ATXN10: variants seen among roughly 807,000 people sequenced by gnomAD.
ATXN10 encodes ataxin 10.
Under a neutral mutation model 52.9 loss-of-function variants are expected in ATXN10, and 28 were observed. The observed-to-expected ratio is 0.53, with a 90% CI of 0.39 to 0.73. The LOEUF (loss-of-function observed/expected upper bound fraction) is 0.73. Ranked by LOEUF, ATXN10 falls within the 30% of genes least tolerant of loss-of-function variation. ATXN10 has a pLI of 0.00. For synonymous variants in ATXN10, 226 were observed against 221.5 expected, an observed-to-expected ratio of 1.02 and a Z score of -0.18; for missense variants, 565 against 577.0, an observed-to-expected ratio of 0.98 and a Z score of 0.21.
intron 9 of ATXN10, among the ~76,000 whole-genome samples, chr22:45,776,116 C>G (rs113543878): frequency 4.6e-5 from 7 of 150,840 alleles, no homozygotes; most frequent in African/African-American, 1.7e-4. Context: ...TGGTGATATA[C>G]TCTGTAAGCC....
rs141931111 is a variant in ATXN10 at position 45,834,199 on chromosome 22, G to A, written c.1238-8792G>A. 2.0e-5 allele frequency among the ~76,000 whole-genome samples: 3 copies of A among 152,316 alleles called. No individual in the cohort carries two copies. In the East Asian group the frequency reaches 5.8e-4, roughly 29 times the overall value. On this transcript the variant is annotated intron_variant, in intron 10 of 11. Transcript: ENST00000252934. ...TGTGAGAGACACTTAATTGTACAAA[G>A]CTTTGCTTGCATTGAGAGTGGCAGT...
At chr22:45,768,526 C>T (rs554347155) in intron 9 of ATXN10, among the ~76,000 whole-genome samples, 29 of 152,262 alleles carry the variant, frequency 1.9e-4, no homozygotes, top group African/African-American at 7.0e-4. Flanking sequence ...CTTGCTAAAA[C>T]AAATTAATTG....
At chr22:45,755,385 A>G (rs1926137207) in intron 9 of ATXN10, among the ~76,000 whole-genome samples, 1 of 152,146 alleles carries the variant, frequency 6.6e-6, no homozygotes, top group Non-Finnish European at 1.5e-5. Flanking sequence ...TGTATTTCTA[A>G]TCATAACAAA....
chr22:45,830,572 A>G (rs1255938784), intron 10 of ATXN10, among the ~76,000 whole-genome samples: 1 of 152,208 alleles, frequency 6.6e-6, no homozygotes. Context: ...CCAGTAAGAT[A>G]TACAAATGGC....
Position 45,708,765 on chromosome 22 carries a change from G to C in ATXN10, c.647+5918G>C, listed in dbSNP as rs544018892. On this transcript the variant is annotated intron_variant, in intron 5 of 11. Coordinates refer to ENST00000252934, the MANE Select transcript of ATXN10 (RefSeq NM_013236.4). This position sits in a 1 kb window ranked among gnomAD's most constrained non-coding sequence, Gnocchi z 5.3. The stretch of plus-strand genomic sequence containing the variant: ...AGTGATTCTCCCATCTCAGCCCCCT[G>C]AGTAGCCAGGACTACAGGCGTGCGC... Among the ~76,000 whole-genome samples the C allele has an allele frequency of 1.7e-4, 26 of 152,244 alleles. No homozygotes were observed. The South Asian group carries it at 5.2e-3, about 30-fold the overall frequency.
intron 10 of ATXN10, among the ~76,000 whole-genome samples, chr22:45,831,087 A>G (rs143444208): frequency 6.6e-6 from 1 of 152,348 alleles, no homozygotes; most frequent in African/African-American, 2.4e-5. Context: ...TGAGGACCTT[A>G]CACTTAGTGA....
chr22:45,833,447 T>A lies in ATXN10; in HGVS notation c.1238-9544T>A, dbSNP rs1348157894. 6.6e-6 allele frequency among the ~76,000 whole-genome samples: 1 copy of A among 152,242 alleles called. No individual in the cohort carries two copies. The highest frequency in any genetic ancestry group is 1.9e-4 in the East Asian group (1 of 5,198). On this transcript the variant is annotated intron_variant, in intron 10 of 11. Coordinates refer to ENST00000252934, the MANE Select transcript of ATXN10 (RefSeq NM_013236.4). This position sits in a 1 kb window ranked among gnomAD's most constrained non-coding sequence, Gnocchi z 4.3. ...TTCTAAATCGCCAGAAGCTCCACCCTGTTCATGTTCTTCATTTAATCCTTT... is the reference window on the plus strand; with the variant it reads ...TTCTAAATCGCCAGAAGCTCCACCCAGTTCATGTTCTTCATTTAATCCTTT...
chr22:45,794,748 C>A (rs136004), intron 9 of ATXN10, among the ~76,000 whole-genome samples: 10,450 of 151,066 alleles, frequency 0.069, 1,089 homozygotes, highest in African/African-American at 0.23. Context: ...AAATGAAGGT[C>A]AAAAAAAAGA....
At chr22:45,764,641 G>A (rs759194583) in intron 9 of ATXN10, among the ~76,000 whole-genome samples, 43 of 152,052 alleles carry the variant, frequency 2.8e-4, no homozygotes, top group Non-Finnish European at 5.3e-4. Flanking sequence ...TGCATGCTTT[G>A]GTGAAGTGGA....
Position 45,844,684 on chromosome 22 carries a change from G to A in ATXN10, c.*1013G>A, listed in dbSNP as rs569410356. On this transcript the variant is annotated 3_prime_UTR_variant, in exon 12 of 12. Coordinates refer to ENST00000252934, the MANE Select transcript of ATXN10 (RefSeq NM_013236.4). Reference sequence around the variant, plus strand: ...ATTCATATCATCAACAAAAGCTCTAGGGGGAGGTCACGTTGTGAATGCTTA... The same window carrying A: ...ATTCATATCATCAACAAAAGCTCTAAGGGGAGGTCACGTTGTGAATGCTTA... The A allele has an allele frequency of 5.9e-5, 9 of 152,288 alleles. No individual in the cohort carries two copies. The East Asian group carries it at 1.5e-3, about 26-fold the overall frequency. 9.4% of individuals were successfully genotyped at this position (152,288 alleles called of 1,614,324 possible).
intron 10 of ATXN10, among the ~76,000 whole-genome samples, chr22:45,808,262 A>T (rs150420553): frequency 2.2e-4 from 33 of 152,372 alleles, no homozygotes; most frequent in African/African-American, 7.9e-4. Flanking sequence ...GGAAAGCAGT[A>T]CGAGAATGTT....
intron 9 of ATXN10, among the ~76,000 whole-genome samples, chr22:45,767,065 G>A (rs1448163711): frequency 6.6e-6 from 1 of 152,208 alleles, no homozygotes; most frequent in Non-Finnish European, 1.5e-5. Context: ...GAATTTGGTA[G>A]TTCTGGTAAA....
intron 6 of ATXN10, among the ~76,000 whole-genome samples, chr22:45,724,830 T>A (rs558097958): frequency 6.6e-6 from 1 of 152,298 alleles, no homozygotes; most frequent in South Asian, 2.1e-4. Context: ...TCAAGTTGAT[T>A]TTTGTGTATG....
chr22:45,809,206 C>T (rs1928200670), intron 10 of ATXN10, among the ~76,000 whole-genome samples: 1 of 152,170 alleles, frequency 6.6e-6, no homozygotes, highest in Admixed American at 6.5e-5. Context: ...TTTCAAAATT[C>T]ACCTTATTCC....
rs1296816757 is a variant in ATXN10, at chr22:45,681,761, G to A, written c.117-7951G>A. Among the ~76,000 whole-genome samples, 2 of 152,064 alleles carry A rather than the reference G, an allele frequency of 1.3e-5. No homozygotes were observed. Among genetic ancestry groups the A allele is most frequent in the African/African-American group, 4.8e-5 (2 of 41,418 alleles). On this transcript the variant is annotated intron_variant, in intron 1 of 11. Transcript: ENST00000252934. The surrounding 1 kb of genome is among the most constrained non-coding windows in gnomAD (Gnocchi z 4.2). ...CTTAATGCTACCTGTCAGTCCCGCT[G>A]TTTGCCCTGGTCCCTTGACTCTCCT...
intron 10 of ATXN10, among the ~76,000 whole-genome samples, chr22:45,830,783 T>C (rs1485915455): frequency 6.6e-6 from 1 of 151,996 alleles, no homozygotes; most frequent in African/African-American, 2.4e-5. Flanking sequence ...GTGCAGCCAT[T>C]GTGGAAAACG....
chr22:45,719,555 AT>A (rs35705178), intron 6 of ATXN10, among the ~76,000 whole-genome samples: 25,695 of 146,692 alleles, frequency 0.18, 2,332 homozygotes, highest in Non-Finnish European at 0.22. Flanking sequence ...AAAAATTAGT[AT>A]TTTTTTTTTT....
At position 45,684,442 on chromosome 22, in the gene ATXN10, AT is replaced by A. The variant is rs1417913157; in HGVS notation, c.117-5269del. Reference sequence around the variant, plus strand: ...ATCTGGCCTACTACCTGTTTTTTTTATGACCCATGAGTTAAGAATGGTTTTT... The same window carrying A: ...ATCTGGCCTACTACCTGTTTTTTTTAGACCCATGAGTTAAGAATGGTTTTT... On this transcript the variant is annotated intron_variant, in intron 1 of 11. Coordinates refer to ENST00000252934, the MANE Select transcript of ATXN10 (RefSeq NM_013236.4). This position sits in a 1 kb window ranked among gnomAD's most constrained non-coding sequence, Gnocchi z 4.1. 6.6e-6 allele frequency among the ~76,000 whole-genome samples: 1 copy of A among 152,010 alleles called. No individual in the cohort carries two copies. The highest frequency in any genetic ancestry group is 1.5e-5 in the Non-Finnish European group (1 of 68,004).
chr22:45,768,049 C>A (rs954880173), intron 9 of ATXN10, among the ~76,000 whole-genome samples: 1 of 152,146 alleles, frequency 6.6e-6, no homozygotes, highest in African/African-American at 2.4e-5. Flanking sequence ...AAGTTTAAAA[C>A]CCTTAAAGTT....
Sources: gnomAD v4.1 joint callset for allele counts (sites outside exome capture counted in the v4.1 genomes callset) on GRCh38, gnomAD v4.1.1 for gene constraint, Gnocchi (gnomAD v3.1) non-coding constraint, MANE v1.5 for transcripts, NCBI Gene and HGNC (gene_info 2026-07-23, HGNC 2026-07-21) for gene names.